Variants in UBE2U observed in about 807,000 individuals in gnomAD.
UBE2U encodes ubiquitin conjugating enzyme E2 U.
Under a neutral mutation model 41.2 loss-of-function variants are expected in UBE2U, and 39 were observed. The observed-to-expected ratio is 0.95, with a 90% CI of 0.73 to 1.24. UBE2U has a LOEUF of 1.24. UBE2U is among the 50% of genes most tolerant of loss of function. The probability of loss-of-function intolerance (pLI) is 0.00; values close to 1 mark genes in which losing one functional copy is unlikely to be tolerated. For synonymous variants in UBE2U, 107 were observed against 117.8 expected, an observed-to-expected ratio of 0.91 and a Z score of 0.60; for missense variants, 336 against 363.1, an observed-to-expected ratio of 0.93 and a Z score of 0.61.
At chr1:64,205,064 G>C (rs1211915610) in intron 1 of UBE2U, among the ~76,000 whole-genome samples, 1 of 152,214 alleles carries the variant, frequency 6.6e-6, no homozygotes, top group East Asian at 1.9e-4. Context: ...TAATAACTAT[G>C]TGGATGCTCA....
Position 64,239,157 on chromosome 1 carries a change from A to AAGAAGAAGAAGAAGAAGAAGAAG in UBE2U, c.596-2494_596-2493insGAAGAAGAAGAAGAAGAAGAAGA. 5.4e-4 allele frequency among the ~76,000 whole-genome samples: 20 copies of AAGAAGAAGAAGAAGAAGAAGAAG among 37,036 alleles called. 3 individuals carry two copies. Among genetic ancestry groups the AAGAAGAAGAAGAAGAAGAAGAAG allele is most frequent in the Admixed American group, 1.3e-3 (4 of 3,152 alleles). 24.3% of individuals were successfully genotyped at this position (37,036 alleles called of 152,430 possible). ...GAAGAAGAAGAAGAAGAAGAAGAAG[A>AAGAAGAAGAAGAAGAAGAAGAAG]AAGAAGAAGAAGAAGAAGAAGAAGA... On this transcript the variant is annotated intron_variant, in intron 7 of 9. Transcript: ENST00000371077.
Position 64,205,691 on chromosome 1 carries a change from T to C in UBE2U, c.119T>C (p.Ile40Thr). The change falls in exon 2 of 10, where the codon ATT becomes ACT. Residue 40 changes from isoleucine (I) to threonine (T), a missense_variant. Physicochemically the swap from Ile to Thr is moderately conservative, Grantham distance 89 (BLOSUM62 -1). Transcript: ENST00000371077. Reference sequence around the variant, plus strand: ...GATATGATGGAATGGGAAGTTGAAATTGAAGGTCTACAGAATTCAGTTTGG... The same window carrying C: ...GATATGATGGAATGGGAAGTTGAAACTGAAGGTCTACAGAATTCAGTTTGG... ...SEDMMEWEVE[I>T]EGLQNSVWQG... The C allele has an allele frequency of 6.2e-7, 1 of 1,613,364 alleles. No homozygotes were observed. The highest frequency in any genetic ancestry group is 8.5e-7 in the Non-Finnish European group (1 of 1,179,584).
At chr1:64,260,829 G>A in intron 9 of UBE2U, 135 bp downstream of exon 9, 1 of 609,998 alleles carries the variant, frequency 1.6e-6, no homozygotes, top group South Asian at 3.3e-5. Flanking sequence ...TTTTAAGGTT[G>A]CTTTAACTTT....
Position 64,260,652 on chromosome 1 carries a change from G to A in UBE2U, c.727G>A (p.Val243Ile). ...TGCTAGAAAAAGAATGCCTCATGAA[G>A]TCACTCACTCAATGGAAGAAATTAA... ...WLARKRMPHEVTHSMEEIKLC... is the reference protein window; with the variant it reads ...WLARKRMPHEITHSMEEIKLC... Residue 243 changes from valine to isoleucine, a missense_variant, in exon 9 of 10, where the codon GTC becomes ATC. Physicochemically the swap from Val to Ile is conservative, Grantham distance 29. Transcript: ENST00000371077. The A allele has an allele frequency of 6.5e-7, 1 of 1,549,632 alleles. No individual in the cohort carries two copies. The highest frequency in any genetic ancestry group is 1.4e-5 in the African/African-American group (1 of 73,114).
chr1:64,228,519 T>C (rs1317697352), intron 6 of UBE2U, among the ~76,000 whole-genome samples: 2 of 151,996 alleles, frequency 1.3e-5, no homozygotes. Flanking sequence ...TAGTAAGAAA[T>C]TCTGTGTGAT....
At chr1:64,249,470 C>T (rs888251485) in intron 8 of UBE2U, among the ~76,000 whole-genome samples, 2 of 150,546 alleles carry the variant, frequency 1.3e-5, no homozygotes, top group African/African-American at 4.9e-5. Flanking sequence ...CAAATAGATC[C>T]ATAAGTGATA....
At chr1:64,239,154 AAGAAAGAAG>A (rs1219330021) in intron 7 of UBE2U, among the ~76,000 whole-genome samples, 10 of 24,526 alleles carry the variant, frequency 4.1e-4, no homozygotes, top group Non-Finnish European at 7.2e-4. Flanking sequence ...GAAGAAGAAG[AAGAAAGAAG>A]AAGAAGAAGA....
chr1:64,252,521 C>T (rs964223728), intron 8 of UBE2U, among the ~76,000 whole-genome samples: 1 of 152,152 alleles, frequency 6.6e-6, no homozygotes, highest in Non-Finnish European at 1.5e-5. Context: ...GTCAGTATCC[C>T]TCTAGGATGG....
In UBE2U at chr1:64,220,745, A is replaced by C. The variant is rs181835367; in HGVS notation, c.458-114A>C. ...TCTTTTGCTCTCCTTGAGATTTTAT[A>C]TCTTATTTTTATTCCTTTATTACCA... On this transcript the variant is annotated intron_variant, in intron 5 of 9. Coordinates refer to ENST00000371077, the MANE Select transcript of UBE2U (RefSeq NM_001366232.2). The C allele has an allele frequency of 2.9e-4, 242 of 829,706 alleles. 1 individual carries two copies. The African/African-American group carries it at 3.9e-3, about 13-fold the overall frequency. 51.4% of individuals were successfully genotyped at this position (829,706 alleles called of 1,614,324 possible).
intron 8 of UBE2U, among the ~76,000 whole-genome samples, chr1:64,255,324 A>G (rs972857598): frequency 2.6e-5 from 4 of 152,176 alleles, no homozygotes; most frequent in African/African-American, 4.8e-5. Context: ...TTCACAGCTG[A>G]ATTCTACCAG....
At chr1:64,236,042 G>C (rs564972128) in intron 7 of UBE2U, among the ~76,000 whole-genome samples, 1 of 152,256 alleles carries the variant, frequency 6.6e-6, no homozygotes, top group South Asian at 2.1e-4. Context: ...CCTGGAGTCA[G>C]ATTTACCAGA....
At chr1:64,219,361 G>A (rs1652258033) in intron 5 of UBE2U, among the ~76,000 whole-genome samples, 1 of 151,292 alleles carries the variant, frequency 6.6e-6, no homozygotes, top group African/African-American at 2.4e-5. Context: ...TTTATTCCCA[G>A]TGATTTGAAA....
At chr1:64,220,759 C>A in intron 5 of UBE2U, 100 bp from the exon 6 acceptor site, 1 of 889,042 alleles carries the variant, frequency 1.1e-6, no homozygotes, top group South Asian at 1.6e-5. Flanking sequence ...TATTTTTATT[C>A]CTTTATTACC....
At chr1:64,213,659 A>G (rs1651793548) in intron 4 of UBE2U, among the ~76,000 whole-genome samples, 1 of 152,234 alleles carries the variant, frequency 6.6e-6, no homozygotes, top group Admixed American at 6.5e-5. Flanking sequence ...TTTGGTAGAT[A>G]TTAAATAAAA....
chr1:64,228,669 T>C (rs940635097), intron 6 of UBE2U, among the ~76,000 whole-genome samples: 10 of 144,722 alleles, frequency 6.9e-5, no homozygotes, highest in Admixed American at 2.1e-4. Context: ...CTTTTTCTTT[T>C]CTTTCTCTCT....
At chr1:64,251,559 T>C (rs1213903273) in intron 8 of UBE2U, among the ~76,000 whole-genome samples, 1 of 152,024 alleles carries the variant, frequency 6.6e-6, no homozygotes, top group African/African-American at 2.4e-5. Context: ...GTTCAACCCA[T>C]GGAGAGCAAA....
chr1:64,209,681 C>T (rs1371340059), intron 3 of UBE2U, among the ~76,000 whole-genome samples: 1 of 151,044 alleles, frequency 6.6e-6, no homozygotes, highest in East Asian at 1.9e-4. Context: ...CAACCCCCGC[C>T]CCCGCCCGCC....
chr1:64,215,254 T>G (rs146803760), intron 5 of UBE2U, among the ~76,000 whole-genome samples: 206 of 152,306 alleles, frequency 1.4e-3, no homozygotes, highest in African/African-American at 4.7e-3. Context: ...AAGTACCTAC[T>G]TTTTGTTATT....
chr1:64,235,584 T>G (rs1476755509), intron 7 of UBE2U, among the ~76,000 whole-genome samples: 1 of 152,214 alleles, frequency 6.6e-6, no homozygotes, highest in Admixed American at 6.5e-5. Context: ...TTCTAATAAC[T>G]TCATTTTCTA....
Sources: gnomAD v4.1 joint callset for allele counts (sites outside exome capture counted in the v4.1 genomes callset) on GRCh38, gnomAD v4.1.1 for gene constraint, MANE v1.5 for transcripts, NCBI Gene and HGNC (gene_info 2026-07-23, HGNC 2026-07-21) for gene names.